N4BP1: variants seen among roughly 807,000 people sequenced by gnomAD.
N4BP1 encodes the protein NEDD4 binding protein 1.
In N4BP1, 21 loss-of-function variants were observed where a neutral mutation model predicts 70.9. That is an observed-to-expected ratio of 0.30 (90% CI 0.21 to 0.43). The LOEUF (loss-of-function observed/expected upper bound fraction) is 0.43. N4BP1 is among the 20% of genes least tolerant of loss of function. The pLI, the probability that N4BP1 is intolerant of heterozygous loss-of-function variation, is 1.00. For missense variants in N4BP1, 936 were observed against 1,069.4 expected (o/e 0.88, Z 1.74); for synonymous variants, 387 against 394.6 (o/e 0.98, Z 0.23).
intron 1 of N4BP1, among the ~76,000 whole-genome samples, chr16:48,592,627 CTA>C (rs1360392826): frequency 3.3e-5 from 5 of 152,160 alleles, no homozygotes; most frequent in Admixed American, 6.5e-5. Flanking sequence ...GTCAGAAAAA[CTA>C]AAACTAATGA....
At chr16:48,563,606 T>C (rs558869121) in intron 1 of N4BP1, among the ~76,000 whole-genome samples, 34 of 152,308 alleles carry the variant, frequency 2.2e-4, no homozygotes, top group Admixed American at 2.0e-3. Context: ...CTTGAACTCC[T>C]GACCTCAGGT....
In N4BP1 at chr16:48,548,142, C is replaced by T. The variant is rs574931457; in HGVS notation, c.2118-28G>A. The T allele has an allele frequency of 5.5e-6, 7 of 1,270,178 alleles. No individual in the cohort carries two copies. The South Asian group carries it at 7.4e-5, about 13-fold the overall frequency. The allele number at this position is 1,270,178 out of a possible 1,614,324, so 78.7% of individuals were successfully genotyped here. A position where few individuals can be genotyped will look rare whatever the true frequency, so the allele number is the denominator to read the frequency against. ...ATGGTAATATAAGAGAGTTTAAAAT[C>T]AGCAACAGGCATCCTTGGCTCAGAG... On this transcript the variant is annotated intron_variant, in intron 4 of 6. Transcript: ENST00000262384.
At position 48,541,491 on chromosome 16, in the gene N4BP1, A is replaced by T. The variant is rs888062803; in HGVS notation, c.*1413T>A. The T allele has an allele frequency of 6.6e-6, 1 of 152,360 alleles. No individual in the cohort carries two copies. Among genetic ancestry groups the T allele is most frequent in the African/African-American group, 2.4e-5 (1 of 41,460 alleles). 9.4% of individuals were successfully genotyped at this position (152,360 alleles called of 1,614,324 possible). A position where few individuals can be genotyped will look rare whatever the true frequency, so the allele number is the denominator to read the frequency against. On this transcript the variant is annotated 3_prime_UTR_variant, in exon 7 of 7. Transcript: ENST00000262384. ...CATCCCTTGAAGAACGCAGTGATCA[A>T]ACAAAACCAAGAAGCAGGCCTGGAG...
chr16:48,559,875 TC>T (rs1963827629), intron 2 of N4BP1, among the ~76,000 whole-genome samples: 1 of 152,254 alleles, frequency 6.6e-6, no homozygotes, highest in Non-Finnish European at 1.5e-5. Flanking sequence ...CCTAAGTTTT[TC>T]TTTTAACAAT....
intron 1 of N4BP1, among the ~76,000 whole-genome samples, chr16:48,571,682 G>A (rs186400459): frequency 3.9e-4 from 60 of 152,224 alleles, no homozygotes; most frequent in African/African-American, 1.4e-3. Context: ...GAATAGAAAT[G>A]TGGGCAAATT....
At position 48,561,905 on chromosome 16, in the gene N4BP1, C is replaced by T; in HGVS notation, c.738G>A (p.Glu246=). The T allele has an allele frequency of 2.5e-6, 4 of 1,613,944 alleles. No homozygotes were observed. The highest frequency in any genetic ancestry group is 3.4e-6 in the Non-Finnish European group (4 of 1,179,884). Residue 246 remains glutamate, a synonymous_variant, in exon 2 of 7, where the codon GAG becomes GAA. Coordinates refer to ENST00000262384, the MANE Select transcript of N4BP1 (RefSeq NM_153029.4). ...GGACTGTGTCCATTTGTTTTGTAAG[C>T]TCAGAAACAGGAGTCCCAGCTTTAT... ...ARNKAGTPVS[E]LTKQMDTVLS...
chr16:48,563,368 T>G (rs1481178236), intron 1 of N4BP1, among the ~76,000 whole-genome samples: 4 of 151,800 alleles, frequency 2.6e-5, no homozygotes, highest in Non-Finnish European at 5.9e-5. Flanking sequence ...AAAAAAATTT[T>G]TTAAATTTTT....
intron 2 of N4BP1, chr16:48,560,480 A>G (rs963218718): frequency 1.7e-5 from 6 of 355,286 alleles, no homozygotes; most frequent in South Asian, 1.5e-4. Flanking sequence ...ACTATACTAC[A>G]TATCACTGAG....
At chr16:48,572,283 C>CT (rs1289900482) in intron 1 of N4BP1, among the ~76,000 whole-genome samples, 1 of 152,118 alleles carries the variant, frequency 6.6e-6, no homozygotes. Context: ...ACAGAAACAT[C>CT]TTGAAAGGGA....
intron 1 of N4BP1, among the ~76,000 whole-genome samples, chr16:48,566,142 C>A (rs938679076): frequency 2.6e-5 from 4 of 151,978 alleles, no homozygotes; most frequent in African/African-American, 9.7e-5. Flanking sequence ...CTTCTGCTTG[C>A]TTTGGGCTTA....
At position 48,544,678 on chromosome 16, in the gene N4BP1, C is replaced by T. The variant is rs539189931; in HGVS notation, c.2334-1417G>A. On this transcript the variant is annotated intron_variant, in intron 6 of 6. Transcript: ENST00000262384. ...CCAACTACAACAAAGAAAACCTAAA[C>T]TACCAAATCATTTTCAGATAAATAT... Among the ~76,000 whole-genome samples the T allele has an allele frequency of 5.9e-5, 9 of 152,318 alleles. No individual in the cohort carries two copies. In the South Asian group the frequency reaches 1.7e-3, roughly 28 times the overall value.
At chr16:48,569,097 G>A (rs1043726222) in intron 1 of N4BP1, among the ~76,000 whole-genome samples, 2 of 152,302 alleles carry the variant, frequency 1.3e-5, no homozygotes, top group African/African-American at 4.8e-5. Flanking sequence ...GTTGCCGGTT[G>A]AATATTTCAG....
At chr16:48,588,495 A>G (rs1053600146) in intron 1 of N4BP1, among the ~76,000 whole-genome samples, 1 of 152,038 alleles carries the variant, frequency 6.6e-6, no homozygotes, top group African/African-American at 2.4e-5. Flanking sequence ...GGGTTTCACC[A>G]TATTGGCCAG....
Position 48,541,928 on chromosome 16 carries a change from C to A in N4BP1, c.*976G>T, listed in dbSNP as rs1351230952. 6.6e-6 allele frequency: 1 copy of A among 152,662 alleles called. No individual in the cohort carries two copies. The highest frequency in any genetic ancestry group is 1.5e-5 in the Non-Finnish European group (1 of 68,044). The allele number at this position is 152,662 out of a possible 1,614,324, so 9.5% of individuals were successfully genotyped here. On this transcript the variant is annotated 3_prime_UTR_variant, in exon 7 of 7. Coordinates refer to ENST00000262384, the MANE Select transcript of N4BP1 (RefSeq NM_153029.4). ...TTGGGTCACTTTTGAGAATAGAAAA[C>A]CATTTTTTGGCAAAGCTGTACAAAC...
chr16:48,550,826 G>A (rs902055493), intron 4 of N4BP1, among the ~76,000 whole-genome samples: 1 of 152,110 alleles, frequency 6.6e-6, no homozygotes, highest in Non-Finnish European at 1.5e-5. Context: ...GCTGAGGCAG[G>A]AGAATCGCTT....
intron 2 of N4BP1, among the ~76,000 whole-genome samples, chr16:48,556,563 T>C (rs188124769): frequency 6.6e-6 from 1 of 152,330 alleles, no homozygotes; most frequent in East Asian, 1.9e-4. Flanking sequence ...GGAGGCCAGG[T>C]GTCCAGGCCC....
chr16:48,583,784 A>T (rs1015416727), intron 1 of N4BP1, among the ~76,000 whole-genome samples: 2 of 152,184 alleles, frequency 1.3e-5, no homozygotes, highest in African/African-American at 4.8e-5. Context: ...ACATAACTTC[A>T]AAAAAATTTT....
chr16:48,543,941 G>A (rs1217680335), intron 6 of N4BP1, among the ~76,000 whole-genome samples: 1 of 152,204 alleles, frequency 6.6e-6, no homozygotes, highest in Non-Finnish European at 1.5e-5. Flanking sequence ...GAGCCACCAA[G>A]TGAGAGTGAA....
chr16:48,608,755 T>TAA (rs561784619), intron 1 of N4BP1, among the ~76,000 whole-genome samples: 5,472 of 134,018 alleles, frequency 0.041, 134 homozygotes, highest in Non-Finnish European at 0.06. Flanking sequence ...AGCTGTTAAT[T>TAA]AAAAAAAAAA....
Sources: allele counts gnomAD v4.1 joint callset (sites outside exome capture counted in the v4.1 genomes callset), GRCh38; gene constraint gnomAD v4.1.1; transcripts MANE v1.5; gene names NCBI Gene and HGNC (gene_info 2026-07-23, HGNC 2026-07-21).